KIF3B: variants seen among roughly 807,000 people sequenced by gnomAD.
The protein encoded by KIF3B is kinesin-like protein KIF3B.
Under a neutral mutation model 74.3 loss-of-function variants are expected in KIF3B, and 38 were observed. The observed-to-expected ratio is 0.51, with a 90% confidence interval of 0.39 to 0.67. The LOEUF (loss-of-function observed/expected upper bound fraction) is 0.67, where lower values mean the gene tolerates loss of function less well. KIF3B is among the 30% of genes least tolerant of loss of function. The pLI, the probability that KIF3B is intolerant of heterozygous loss-of-function variation, is 0.00. For synonymous variants in KIF3B, 326 were observed against 342.5 expected (o/e 0.95, Z 0.53); for missense variants, 649 against 932.0 (o/e 0.70, Z 3.95).
intron 1 of KIF3B, among the ~76,000 whole-genome samples, chr20:32,308,860 C>T (rs1387872787): frequency 2.0e-5 from 3 of 151,470 alleles, no homozygotes; most frequent in East Asian, 3.9e-4. Context: ...GGACTATAGG[C>T]GCCTGCCACC....
intron 5 of KIF3B, among the ~76,000 whole-genome samples, chr20:32,323,007 T>C (rs1386477510): frequency 2.2e-5 from 1 of 46,198 alleles, no homozygotes. Context: ...TATTTATATT[T>C]ATATATATTT....
chr20:32,287,157 T>A (rs1350006054), intron 1 of KIF3B, among the ~76,000 whole-genome samples: 1 of 152,190 alleles, frequency 6.6e-6, no homozygotes, highest in Non-Finnish European at 1.5e-5. Context: ...TTCCATATTT[T>A]TGTACTTATT....
At chr20:32,330,074 T>C (rs2047922805) in intron 7 of KIF3B, 67 bp from the exon 8 acceptor site, 1 of 1,429,754 alleles carries the variant, frequency 7.0e-7, no homozygotes, top group Non-Finnish European at 9.4e-7. Flanking sequence ...GGAGGGGCCC[T>C]CGATTGCTTG....
At chr20:32,307,918 CA>C (rs574709198) in intron 1 of KIF3B, among the ~76,000 whole-genome samples, 224 of 52,744 alleles carry the variant, frequency 4.2e-3, no homozygotes, top group East Asian at 0.015. Flanking sequence ...GACTCTGTCT[CA>C]AAAAAAAAAA....
chr20:32,322,732 T>A (rs1463557737), intron 5 of KIF3B, among the ~76,000 whole-genome samples: 4 of 51,626 alleles, frequency 7.7e-5, no homozygotes, highest in Non-Finnish European at 9.2e-5. Context: ...ATTTATTTAT[T>A]TATATATATT....
At chr20:32,326,698 T>G in intron 5 of KIF3B, 73 bp from the exon 6 acceptor site, 3 of 701,432 alleles carry the variant, frequency 4.3e-6, no homozygotes. Context: ...TTACTCACCA[T>G]GCATGAGACC....
chr20:32,329,346 T>C (rs1270351371), intron 7 of KIF3B, among the ~76,000 whole-genome samples: 2 of 136,536 alleles, frequency 1.5e-5, no homozygotes, highest in East Asian at 2.1e-4. Flanking sequence ...CTGGCCTTTT[T>C]TTTCTTTTTT....
chr20:32,303,136 TC>T, intron 1 of KIF3B, among the ~76,000 whole-genome samples: 2 of 152,328 alleles, frequency 1.3e-5, no homozygotes, highest in Middle Eastern at 6.8e-3. Context: ...ATGACTACAT[TC>T]CTGAAGGGCT....
chr20:32,291,908 C>T (rs182966324), intron 1 of KIF3B, among the ~76,000 whole-genome samples: 163 of 148,830 alleles, frequency 1.1e-3, no homozygotes, highest in African/African-American at 3.7e-3. Flanking sequence ...TGAGCCACCG[C>T]GCCTCGCCTC....
intron 1 of KIF3B, among the ~76,000 whole-genome samples, chr20:32,279,172 C>T (rs1322307077): frequency 6.6e-6 from 1 of 152,008 alleles, no homozygotes; most frequent in Non-Finnish European, 1.5e-5. Context: ...ATATACCTGC[C>T]TCGGCCTCCC....
chr20:32,317,493 TATA>T (rs374880502), intron 5 of KIF3B, among the ~76,000 whole-genome samples: 143 of 152,298 alleles, frequency 9.4e-4, no homozygotes, highest in African/African-American at 3.4e-3. Context: ...TTCTGAATGG[TATA>T]ATAAATACCC....
At chr20:32,325,137 G>A (rs931458404) in intron 5 of KIF3B, among the ~76,000 whole-genome samples, 1 of 152,074 alleles carries the variant, frequency 6.6e-6, no homozygotes, top group African/African-American at 2.4e-5. Context: ...AATAATAATA[G>A]TTATCTCTGG....
At chr20:32,307,826 G>A (rs1456937806) in intron 1 of KIF3B, among the ~76,000 whole-genome samples, 1 of 151,440 alleles carries the variant, frequency 6.6e-6, no homozygotes, top group Non-Finnish European at 1.5e-5. Context: ...GGCTGAGACA[G>A]GAGAATGGCA....
chr20:32,294,749 A>G (rs2047708641), intron 1 of KIF3B, among the ~76,000 whole-genome samples: 4 of 152,230 alleles, frequency 2.6e-5, no homozygotes, highest in Admixed American at 2.6e-4. Context: ...AGACCTGCTG[A>G]ACACCTCAGC....
At chr20:32,283,250 A>G (rs1415567893) in intron 1 of KIF3B, among the ~76,000 whole-genome samples, 2 of 152,152 alleles carry the variant, frequency 1.3e-5, no homozygotes, top group Admixed American at 6.5e-5. Flanking sequence ...TTATGCCTGT[A>G]ATCCCAGCAC....
At chr20:32,326,702 T>G in intron 5 of KIF3B, 69 bp from the exon 6 acceptor site, 1 of 711,994 alleles carries the variant, frequency 1.4e-6, no homozygotes, top group Non-Finnish European at 2.5e-6. Context: ...TCACCATGCA[T>G]GAGACCAGAT....
In KIF3B at chr20:32,316,268, G is replaced by A. The variant is rs750625928; in HGVS notation, c.1455G>A (p.Thr485=). ...GAGGAAAAAATATAGTAGATCATACGAATGAACAGCAGAAAATCCTGGAGC... is the reference window on the plus strand; with the variant it reads ...GAGGAAAAAATATAGTAGATCATACAAATGAACAGCAGAAAATCCTGGAGC... ...LVGGKNIVDH[T]NEQQKILEQK... The change falls in exon 3 of 9, where the codon ACG becomes ACA. Residue 485 remains threonine (T), a synonymous_variant. Transcript: ENST00000375712. 4 of 1,613,752 alleles carry A rather than the reference G, an allele frequency of 2.5e-6. No homozygotes were observed. Among genetic ancestry groups the A allele is most frequent in the Admixed American group, 1.7e-5 (1 of 60,020 alleles).
At chr20:32,323,576 T>C (rs1331455127) in intron 5 of KIF3B, among the ~76,000 whole-genome samples, 1 of 151,948 alleles carries the variant, frequency 6.6e-6, no homozygotes, top group Non-Finnish European at 1.5e-5. Context: ...CCAATTCTTT[T>C]TATTTTTAAA....
At chr20:32,308,821 T>A (rs1318353982) in intron 1 of KIF3B, among the ~76,000 whole-genome samples, 1 of 151,352 alleles carries the variant, frequency 6.6e-6, no homozygotes, top group Non-Finnish European at 1.5e-5. Flanking sequence ...GTTCACGCCA[T>A]TCTCCTGCCT....
Sources: allele counts gnomAD v4.1 joint callset (sites outside exome capture counted in the v4.1 genomes callset), GRCh38; gene constraint gnomAD v4.1.1; transcripts MANE v1.5; gene names NCBI Gene and HGNC (gene_info 2026-07-23, HGNC 2026-07-21).